COL24A1: variants seen among roughly 807,000 people sequenced by gnomAD.
COL24A1 encodes collagen type XXIV alpha 1 chain.
COL24A1 carries 224 observed loss-of-function variants against 253.9 expected under a neutral mutation model. The observed-to-expected ratio is 0.88, with a 90% CI of 0.79 to 0.99. The LOEUF (loss-of-function observed/expected upper bound fraction) is 0.99, where lower values mean the gene tolerates loss of function less well. COL24A1 is among the 50% of genes least tolerant of loss of function. COL24A1 has a pLI of 0.00. For synonymous variants in COL24A1, 685 were observed against 673.7 expected (o/e 1.02, Z -0.26); for missense variants, 2,131 against 2,068.5 (o/e 1.03, Z -0.59).
intron 19 of COL24A1, among the ~76,000 whole-genome samples, chr1:86,004,130 A>C (rs1214296893): frequency 6.6e-6 from 1 of 152,158 alleles, no homozygotes; most frequent in Non-Finnish European, 1.5e-5. Flanking sequence ...AAGACCAACA[A>C]AGTCCACATT....
At chr1:85,744,096 A>G (rs1198078677) in intron 57 of COL24A1, among the ~76,000 whole-genome samples, 1 of 152,036 alleles carries the variant, frequency 6.6e-6, no homozygotes, top group African/African-American at 2.4e-5. Flanking sequence ...TGTTTAACTG[A>G]TGACTTACTC....
intron 47 of COL24A1, among the ~76,000 whole-genome samples, chr1:85,800,740 C>T (rs1359531870): frequency 6.6e-6 from 1 of 152,158 alleles, no homozygotes; most frequent in East Asian, 1.9e-4. Flanking sequence ...AGACTCTCCA[C>T]TGTCCCCGCC....
At position 86,142,180 on chromosome 1, in the gene COL24A1, A is replaced by G. The variant is rs867599298; in HGVS notation, c.121+3939T>C. ...GTAGACATTGCATCAAAGAAACGAG[A>G]ACAGGATGAAAAAAAAAAAGACTAG... On this transcript the variant is annotated intron_variant, in intron 2 of 59. Transcript: ENST00000370571. Among the ~76,000 whole-genome samples the G allele has an allele frequency of 2.6e-5, 4 of 151,904 alleles. No homozygotes were observed. The South Asian group carries it at 6.2e-4, about 24-fold the overall frequency.
intron 43 of COL24A1, among the ~76,000 whole-genome samples, chr1:85,830,294 T>C (rs555673020): frequency 2.7e-4 from 41 of 151,722 alleles, no homozygotes; most frequent in African/African-American, 8.4e-4. Flanking sequence ...AGATCTCCAG[T>C]TGCATGCTGG....
Position 85,874,674 on chromosome 1 carries a change from C to T in COL24A1, c.3113G>A (p.Gly1038Glu). 1.9e-6 allele frequency: 3 copies of T among 1,612,496 alleles called. No individual in the cohort carries two copies. The highest frequency in any genetic ancestry group is 2.5e-6 in the Non-Finnish European group (3 of 1,179,954). The change falls in exon 35 of 60, where the codon GGA becomes GAA. Residue 1038 changes from glycine to glutamate, a missense_variant. Physicochemically the swap from Gly to Glu is moderately conservative, Grantham distance 98 (BLOSUM62 -2). Transcript: ENST00000370571. ...KGDVGTAGSV[G>E]GTGEPGLRGE... ...CCGTAAACCTGGTTCCCCAGTTCCT[C>T]CAACACTGCCAGCAGTTCCAACATC...
chr1:85,830,668 C>T (rs779803416), intron 43 of COL24A1, among the ~76,000 whole-genome samples: 55 of 152,132 alleles, frequency 3.6e-4, no homozygotes, highest in Admixed American at 2.0e-3. Context: ...GTATTCGGGT[C>T]AGAGTGACCC....
chr1:85,741,295 G>A (rs6576789), intron 57 of COL24A1, among the ~76,000 whole-genome samples: 135,107 of 151,872 alleles, frequency 0.89, 60,885 homozygotes, highest in Non-Finnish European at 0.97. Flanking sequence ...TTTGGTTGTT[G>A]ATTGTGTGCT....
At chr1:85,921,306 C>A (rs563272058) in intron 24 of COL24A1, among the ~76,000 whole-genome samples, 1 of 152,334 alleles carries the variant, frequency 6.6e-6, no homozygotes, top group South Asian at 2.1e-4. Context: ...TTGGCAGGTC[C>A]CATGCCCATG....
chr1:85,856,858 T>C (rs575084685), intron 37 of COL24A1, among the ~76,000 whole-genome samples: 2 of 152,298 alleles, frequency 1.3e-5, no homozygotes, highest in East Asian at 3.9e-4. Flanking sequence ...CTTTTAACAT[T>C]TCATGAGTTG....
At chr1:86,004,821 C>G (rs1695780384) in intron 19 of COL24A1, among the ~76,000 whole-genome samples, 1 of 152,178 alleles carries the variant, frequency 6.6e-6, no homozygotes, top group Non-Finnish European at 1.5e-5. Flanking sequence ...GCACTTTGGA[C>G]TTTTTGTCAC....
chr1:85,962,183 C>T (rs1444429420), intron 23 of COL24A1, among the ~76,000 whole-genome samples: 1 of 152,090 alleles, frequency 6.6e-6, no homozygotes, highest in African/African-American at 2.4e-5. Context: ...AGGTTAAGTA[C>T]TAAAGGAGGT....
At chr1:85,759,748 C>G (rs1213519149) in intron 55 of COL24A1, among the ~76,000 whole-genome samples, 1 of 152,184 alleles carries the variant, frequency 6.6e-6, no homozygotes, top group African/African-American at 2.4e-5. Context: ...GCAAAAACCT[C>G]TCATGTCTTA....
chr1:85,859,546 G>GT (rs1195807547), intron 37 of COL24A1, among the ~76,000 whole-genome samples: 10 of 152,106 alleles, frequency 6.6e-5, no homozygotes, highest in Non-Finnish European at 1.0e-4. Context: ...AATCAGAAAG[G>GT]TCCCCCCTGG....
At chr1:85,991,834 C>A (rs892148254) in intron 19 of COL24A1, among the ~76,000 whole-genome samples, 5 of 151,674 alleles carry the variant, frequency 3.3e-5, no homozygotes, top group African/African-American at 1.2e-4. Flanking sequence ...TATTGAAAAG[C>A]TAACAAATAT....
intron 28 of COL24A1, 68 bp downstream of exon 28, chr1:85,907,126 G>T: frequency 1.6e-6 from 2 of 1,276,896 alleles, no homozygotes; most frequent in Non-Finnish European, 2.3e-6. Context: ...TATTTTTGTT[G>T]CACATTTTCC....
intron 28 of COL24A1, among the ~76,000 whole-genome samples, chr1:85,899,505 T>A (rs1320664293): frequency 6.6e-6 from 1 of 152,134 alleles, no homozygotes; most frequent in Admixed American, 6.5e-5. Flanking sequence ...TGACTCTAGA[T>A]GATCAAGCCC....
chr1:85,961,349 C>T, intron 23 of COL24A1, 56 bp from the exon 24 acceptor site: 1 of 1,329,406 alleles, frequency 7.5e-7, no homozygotes. Context: ...CTAGATTATT[C>T]ATGACAGTTT....
intron 7 of COL24A1, among the ~76,000 whole-genome samples, chr1:86,082,159 C>G (rs2101910923): frequency 6.6e-6 from 1 of 152,252 alleles, no homozygotes; most frequent in East Asian, 1.9e-4. Context: ...TAAAGAAATT[C>G]TGGAGACTAA....
intron 9 of COL24A1, among the ~76,000 whole-genome samples, chr1:86,058,450 T>C (rs79990170): frequency 0.017 from 2,616 of 151,296 alleles, 85 homozygotes; most frequent in African/African-American, 0.06. Context: ...TAAGTGTTTT[T>C]AAAGTCCTAA....
Sources: gnomAD v4.1 joint callset for allele counts (sites outside exome capture counted in the v4.1 genomes callset) on GRCh38, gnomAD v4.1.1 for gene constraint, MANE v1.5 for transcripts, NCBI Gene and HGNC (gene_info 2026-07-23, HGNC 2026-07-21) for gene names.